The following KCNH1 variants were observed in gnomAD, a reference collection of about 807,000 sequenced individuals.
The protein encoded by KCNH1 is potassium voltage-gated channel subfamily H member 1.
A neutral mutation model predicts 69.2 loss-of-function variants in KCNH1; 27 were observed. The ratio of observed to expected loss-of-function variants is 0.39; its 90% CI spans 0.29 to 0.54. KCNH1 has a LOEUF of 0.54. Among genes scored for constraint, KCNH1 ranks in the 20% least tolerant of loss-of-function variants. KCNH1 has a pLI of 0.68. For missense variants in KCNH1, 798 were observed against 1,261.6 expected, an observed-to-expected ratio of 0.63 and a Z score of 5.57; for synonymous variants, 456 against 487.7, an observed-to-expected ratio of 0.93 and a Z score of 0.86.
At chr1:210,858,852 G>A (rs4245747) in intron 7 of KCNH1, 89,423 of 221,822 alleles carry the variant, frequency 0.4, 18,714 homozygotes, top group African/African-American at 0.45. Context: ...CTGCCTTCAT[G>A]ACATCCCCTT....
At chr1:210,943,166 T>C (rs1044939298) in intron 6 of KCNH1, among the ~76,000 whole-genome samples, 1 of 152,072 alleles carries the variant, frequency 6.6e-6, no homozygotes, top group African/African-American at 2.4e-5. Context: ...GTTCTGTTGA[T>C]TACAATCAGA....
chr1:210,920,043 T>G lies in KCNH1; in HGVS notation c.1059A>C (p.Leu353=), dbSNP rs540706243. 47 of 1,613,924 alleles carry G rather than the reference T, an allele frequency of 2.9e-5. No individual in the cohort carries two copies. In the South Asian group the frequency reaches 5.1e-4, roughly 17 times the overall value. ...SQGISSLFSS[L]KVVRLLRLGR... Reference sequence around the variant, plus strand: ...CAAGACGGAGCAGCCGGACAACTTTTAGAGAGCTGAACAGGCTGCTGATGC... The same window carrying G: ...CAAGACGGAGCAGCCGGACAACTTTGAGAGAGCTGAACAGGCTGCTGATGC... Residue 353 remains leucine (L), a synonymous_variant, in exon 7 of 11, where the codon CTA becomes CTC. Coordinates refer to ENST00000271751, the MANE Select transcript of KCNH1 (RefSeq NM_172362.3).
chr1:210,921,821 A>G (rs1309725720), intron 6 of KCNH1, among the ~76,000 whole-genome samples: 1 of 152,160 alleles, frequency 6.6e-6, no homozygotes, highest in Admixed American at 6.5e-5. Context: ...ACTATGTGGA[A>G]CACCCCTTTC....
At chr1:210,995,558 C>A (rs1219438845) in intron 6 of KCNH1, among the ~76,000 whole-genome samples, 1 of 152,198 alleles carries the variant, frequency 6.6e-6, no homozygotes, top group African/African-American at 2.4e-5. Flanking sequence ...AGAAAGGCTG[C>A]AGAATTCAGA....
chr1:210,925,827 C>T (rs1161562997), intron 6 of KCNH1, among the ~76,000 whole-genome samples: 2 of 152,182 alleles, frequency 1.3e-5, no homozygotes, highest in African/African-American at 4.8e-5. Flanking sequence ...CTCTTGGGAG[C>T]CTATTGCACT....
chr1:210,684,631 A>G (rs1681368742), intron 10 of KCNH1, among the ~76,000 whole-genome samples: 1 of 152,214 alleles, frequency 6.6e-6, no homozygotes, highest in Admixed American at 6.5e-5. Flanking sequence ...TCAGGGCAAG[A>G]AAGTCCCCAG....
chr1:210,835,153 T>A (rs1399003259), intron 7 of KCNH1, among the ~76,000 whole-genome samples: 2 of 152,312 alleles, frequency 1.3e-5, no homozygotes, highest in Admixed American at 1.3e-4. Context: ...AAATCCTTTC[T>A]GTGTATGTTC....
intron 7 of KCNH1, among the ~76,000 whole-genome samples, chr1:210,830,039 C>T (rs968792987): frequency 9.2e-5 from 14 of 152,148 alleles, no homozygotes; most frequent in Non-Finnish European, 1.8e-4. Flanking sequence ...AAATCTGGTG[C>T]TTAGACTACT....
chr1:210,742,663 C>T (rs1186457311), intron 10 of KCNH1, among the ~76,000 whole-genome samples: 1 of 152,170 alleles, frequency 6.6e-6, no homozygotes, highest in Non-Finnish European at 1.5e-5. Context: ...GTCCCTAGTG[C>T]CGCACCTTCC....
chr1:210,769,428 G>C (rs775877986), intron 10 of KCNH1, among the ~76,000 whole-genome samples: 14 of 152,086 alleles, frequency 9.2e-5, no homozygotes, highest in Non-Finnish European at 1.8e-4. Flanking sequence ...GCATTAGGAG[G>C]GCTCAGCTTT....
At chr1:210,881,723 C>T (rs772556951) in intron 7 of KCNH1, among the ~76,000 whole-genome samples, 5 of 152,038 alleles carry the variant, frequency 3.3e-5, no homozygotes, top group Non-Finnish European at 7.4e-5. Context: ...GTTATGAAGC[C>T]ATGAAAAGAC....
intron 6 of KCNH1, among the ~76,000 whole-genome samples, chr1:210,984,881 C>G (rs1365587644): frequency 3.3e-5 from 5 of 152,146 alleles, no homozygotes; most frequent in African/African-American, 1.2e-4. Context: ...CTTTGTACCT[C>G]TGGTAGAATT....
At chr1:211,096,757 T>C (rs974749759) in intron 3 of KCNH1, among the ~76,000 whole-genome samples, 10 of 152,174 alleles carry the variant, frequency 6.6e-5, no homozygotes, top group African/African-American at 2.2e-4. Flanking sequence ...CCTCTAACTC[T>C]GATGAATTAA....
chr1:211,112,501 T>TAAAAAAA (rs74258707), intron 1 of KCNH1, among the ~76,000 whole-genome samples: 117 of 126,298 alleles, frequency 9.3e-4, no homozygotes, highest in Non-Finnish European at 1.6e-3. Flanking sequence ...ATTAAATAAA[T>TAAAAAAA]AAAAAAAAAA....
intron 5 of KCNH1, among the ~76,000 whole-genome samples, chr1:211,025,686 G>A (rs142690322): frequency 2.6e-5 from 4 of 152,058 alleles, no homozygotes; most frequent in South Asian, 2.1e-4. Context: ...CTACCCTGAC[G>A]CACCATAATC....
chr1:210,750,543 A>G (rs2149042315), intron 10 of KCNH1, among the ~76,000 whole-genome samples: 1 of 152,318 alleles, frequency 6.6e-6, no homozygotes, highest in Non-Finnish European at 1.5e-5. Flanking sequence ...CTAACTGCTC[A>G]TCCCAAATCT....
At chr1:210,855,106 T>C (rs1292488242) in intron 7 of KCNH1, among the ~76,000 whole-genome samples, 1 of 152,008 alleles carries the variant, frequency 6.6e-6, no homozygotes, top group Non-Finnish European at 1.5e-5. Context: ...GTTCTGGAAG[T>C]CTCCTCCCAA....
At chr1:210,976,222 C>A (rs1456924369) in intron 6 of KCNH1, among the ~76,000 whole-genome samples, 1 of 151,900 alleles carries the variant, frequency 6.6e-6, no homozygotes, top group Non-Finnish European at 1.5e-5. Context: ...ACTAGAAATA[C>A]CATTTGACCC....
At chr1:210,842,813 G>GT (rs530323359) in intron 7 of KCNH1, among the ~76,000 whole-genome samples, 32 of 151,814 alleles carry the variant, frequency 2.1e-4, no homozygotes, top group Middle Eastern at 6.8e-3. Context: ...AGCTAAAGTT[G>GT]TTTTTTTTCA....
Sources: gnomAD v4.1 joint callset for allele counts (sites outside exome capture counted in the v4.1 genomes callset) on GRCh38, gnomAD v4.1.1 for gene constraint, MANE v1.5 for transcripts, NCBI Gene and HGNC (gene_info 2026-07-23, HGNC 2026-07-21) for gene names.